Variants in MYZAP observed in about 807,000 individuals in gnomAD.
The protein encoded by MYZAP is GRINL1A complex locus upstream.
Under a neutral mutation model 69.4 loss-of-function variants are expected in MYZAP, and 66 were observed. That is an observed-to-expected ratio of 0.95 (90% CI 0.78 to 1.17). The LOEUF is 1.17. MYZAP is among the 50% of genes most tolerant of loss of function. MYZAP has a pLI of 0.00. For synonymous variants in MYZAP, 256 were observed against 205.9 expected (o/e 1.24, Z -2.09); for missense variants, 611 against 556.2 (o/e 1.10, Z -0.99).
chr15:57,593,212 A>ACACT (rs770540454), intron 1 of MYZAP, among the ~76,000 whole-genome samples: 1 of 124,908 alleles, frequency 8.0e-6, no homozygotes, highest in Non-Finnish European at 1.7e-5. Context: ...ACACACACAC[A>ACACT]CACCCCAGAA....
intron 11 of MYZAP, among the ~76,000 whole-genome samples, chr15:57,670,154 A>C (rs1423863233): frequency 6.6e-6 from 1 of 151,918 alleles, no homozygotes; most frequent in African/African-American, 2.4e-5. Context: ...GATAACTGAC[A>C]TTTTTCTTGG....
intron 10 of MYZAP, among the ~76,000 whole-genome samples, chr15:57,657,354 G>A (rs1025092832): frequency 2.6e-5 from 4 of 152,204 alleles, no homozygotes; most frequent in African/African-American, 4.8e-5. Context: ...AAGACATACC[G>A]TGAGAGTAAT....
At chr15:57,638,071 C>G (rs1239850757) in intron 9 of MYZAP, among the ~76,000 whole-genome samples, 8 of 152,194 alleles carry the variant, frequency 5.3e-5, no homozygotes, top group Admixed American at 1.3e-4. Flanking sequence ...CAGGATACAC[C>G]TTGTTGATGA....
chr15:57,633,726 T>G lies in MYZAP; in HGVS notation c.918T>G (p.Ile306Met), dbSNP rs546156676. 4.2e-5 allele frequency: 67 copies of G among 1,608,754 alleles called. No individual in the cohort carries two copies. Among genetic ancestry groups the G allele is most frequent in the Admixed American group, 4.0e-4 (24 of 59,446 alleles). Reference sequence around the variant, plus strand: ...GGATCGGGGAGCTGGACAGGCTGATTGAGCGCATGGAAAAGGTAGGACACA... The same window carrying G: ...GGATCGGGGAGCTGGACAGGCTGATGGAGCGCATGGAAAAGGTAGGACACA... ...DQRIGELDRL[I>M]ERMEKERHQL... Residue 306 changes from isoleucine to methionine, a missense_variant, in exon 8 of 13, where the codon ATT becomes ATG. Ile to Met is a conservative substitution (Grantham distance 10, BLOSUM62 1). Coordinates refer to ENST00000267853, the MANE Select transcript of MYZAP (RefSeq NM_001018100.5).
chr15:57,624,918 G>A (rs771905374), intron 4 of MYZAP, among the ~76,000 whole-genome samples: 46 of 152,128 alleles, frequency 3.0e-4, no homozygotes, highest in Middle Eastern at 3.2e-3. Context: ...GAGGCCACAT[G>A]GGGGGCCTTC....
intron 10 of MYZAP, chr15:57,646,512 A>G (rs564662262): frequency 9.7e-7 from 1 of 1,031,512 alleles, no homozygotes; most frequent in Admixed American, 5.5e-5. Context: ...AACCATTCAG[A>G]AAGATCCAGG....
At chr15:57,673,277 A>T (rs1157213821) in intron 11 of MYZAP, among the ~76,000 whole-genome samples, 1 of 152,128 alleles carries the variant, frequency 6.6e-6, no homozygotes, top group African/African-American at 2.4e-5. Context: ...ATGCTGTGAA[A>T]TCCTTATGAT....
At chr15:57,593,214 A>ACACACACACACCCCCCCCCCC (rs1172761785) in intron 1 of MYZAP, among the ~76,000 whole-genome samples, 3 of 141,346 alleles carry the variant, frequency 2.1e-5, no homozygotes, top group African/African-American at 8.4e-5. Context: ...ACACACACAC[A>ACACACACACACCCCCCCCCCC]CCCCAGAATC....
intron 6 of MYZAP, among the ~76,000 whole-genome samples, chr15:57,630,096 G>T (rs1056405579): frequency 2.6e-5 from 4 of 151,844 alleles, no homozygotes; most frequent in Admixed American, 2.6e-4. Flanking sequence ...AGCCTCCTGA[G>T]TAGCTGGAAT....
Position 57,604,328 on chromosome 15 carries a change from T to C in MYZAP, c.135T>C (p.Cys45=), listed in dbSNP as rs764535335. Residue 45 remains cysteine (C), a synonymous_variant, in exon 2 of 13, where the codon TGT becomes TGC. Coordinates refer to ENST00000267853, the MANE Select transcript of MYZAP (RefSeq NM_001018100.5). ...VPPESPVPEQ[C]EKKIERKEQL... is the part of the protein sequence containing the mutation. The stretch of plus-strand genomic sequence containing the variant: ...CTGAGAGTCCAGTTCCTGAGCAATG[T>C]GAAAAGAAGATTGAGAGAAAAGAGC... 30 of 1,614,060 alleles carry C rather than the reference T, an allele frequency of 1.9e-5. No individual in the cohort carries two copies. Among genetic ancestry groups the C allele is most frequent in the Non-Finnish European group, 2.5e-5 (29 of 1,180,034 alleles).
intron 10 of MYZAP, among the ~76,000 whole-genome samples, chr15:57,659,341 G>A (rs2733600): frequency 0.98 from 149,624 of 152,238 alleles, 73,576 homozygotes; most frequent in Middle Eastern, 1. Context: ...ATCTGCACAT[G>A]TTATGTTCTT....
chr15:57,592,103 C>G lies in MYZAP; in HGVS notation c.69C>G (p.Ser23Arg). ...GGAARTPGAP[S>R]RRANVCRLRL... is the part of the protein sequence containing the mutation. ...CCGCCAGGACGCCCGGGGCGCCCAGCAGGAGGGTGAGTAGCGGGGGCGGGA... is the reference window on the plus strand; with the variant it reads ...CCGCCAGGACGCCCGGGGCGCCCAGGAGGAGGGTGAGTAGCGGGGGCGGGA... Residue 23 changes from serine (S) to arginine (R), a missense_variant, in exon 1 of 13, where the codon AGC (serine) becomes AGG (arginine). Physicochemically the swap from Ser to Arg is moderately radical, Grantham distance 110. Transcript: ENST00000267853. 5 of 1,355,256 alleles carry G rather than the reference C, an allele frequency of 3.7e-6. No individual in the cohort carries two copies. Among genetic ancestry groups the G allele is most frequent in the Non-Finnish European group, 4.7e-6 (5 of 1,058,334 alleles). The allele number at this position is 1,355,256 out of a possible 1,614,324, so 84.0% of individuals were successfully genotyped here. A position where few individuals can be genotyped will look rare whatever the true frequency, so the allele number is the denominator to read the frequency against.
At chr15:57,600,528 G>T (rs2034342868) in intron 1 of MYZAP, among the ~76,000 whole-genome samples, 1 of 152,152 alleles carries the variant, frequency 6.6e-6, no homozygotes, top group African/African-American at 2.4e-5. Flanking sequence ...AATATAGATG[G>T]GCAGATGAAG....
intron 1 of MYZAP, among the ~76,000 whole-genome samples, chr15:57,604,020 T>A (rs1362335608): frequency 6.6e-6 from 1 of 152,224 alleles, no homozygotes; most frequent in Non-Finnish European, 1.5e-5. Context: ...AAAGAAATGT[T>A]TGAAATAGAT....
chr15:57,679,134 C>G (rs115694033), intron 12 of MYZAP, among the ~76,000 whole-genome samples: 320 of 152,174 alleles, frequency 2.1e-3, no homozygotes, highest in African/African-American at 7.5e-3. Context: ...TGAGATCGCA[C>G]CATTGTACTC....
intron 1 of MYZAP, among the ~76,000 whole-genome samples, chr15:57,601,429 T>C (rs2034408459): frequency 6.6e-6 from 1 of 152,042 alleles, no homozygotes; most frequent in Non-Finnish European, 1.5e-5. Context: ...ACTTTGATGC[T>C]TGTGCAAATG....
At chr15:57,593,336 T>C (rs1395263890) in intron 1 of MYZAP, among the ~76,000 whole-genome samples, 5 of 152,154 alleles carry the variant, frequency 3.3e-5, no homozygotes, top group African/African-American at 9.7e-5. Context: ...GTCCTGGCCT[T>C]ACTCTAAGTT....
At position 57,595,962 on chromosome 15, in the gene MYZAP, G is replaced by A. The variant is rs187423363; in HGVS notation, c.75+3853G>A. On this transcript the variant is annotated intron_variant, in intron 1 of 12. Coordinates refer to ENST00000267853, the MANE Select transcript of MYZAP (RefSeq NM_001018100.5). The stretch of plus-strand genomic sequence containing the variant: ...AGTTGTGAGGGTTTGGAACCAAGGC[G>A]TCCTCTGGGCTAAGGGCAGGGCTTA... Among the ~76,000 whole-genome samples the A allele has an allele frequency of 3.9e-4, 59 of 152,292 alleles. 1 individual carries two copies. The East Asian group carries it at 9.5e-3, about 24-fold the overall frequency.
intron 10 of MYZAP, among the ~76,000 whole-genome samples, chr15:57,652,982 G>A (rs2037803567): frequency 6.6e-6 from 1 of 152,054 alleles, no homozygotes. Flanking sequence ...TGCTTTGATT[G>A]GCAGTTATAC....
Sources: allele counts gnomAD v4.1 joint callset (sites outside exome capture counted in the v4.1 genomes callset), GRCh38; gene constraint gnomAD v4.1.1; transcripts MANE v1.5; gene names NCBI Gene and HGNC (gene_info 2026-07-23, HGNC 2026-07-21).